Variants in FGF14 observed in about 807,000 individuals in gnomAD.
FGF14 encodes the protein fibroblast growth factor homologous factor 4.
FGF14 carries 5 observed loss-of-function variants against 25.5 expected under a neutral mutation model. The observed-to-expected ratio is 0.20, with a 90% CI of 0.10 to 0.41. FGF14 has a LOEUF of 0.41. Among genes scored for constraint, FGF14 ranks in the 10% least tolerant of loss-of-function variants. The pLI is 1.00. For synonymous variants in FGF14, 138 were observed against 118.3 expected (o/e 1.17, Z -1.08); for missense variants, 222 against 320.1 (o/e 0.69, Z 2.34).
intron 3 of FGF14, among the ~76,000 whole-genome samples, chr13:101,786,532 CTCT>C (rs2039837814): frequency 6.6e-6 from 1 of 152,072 alleles, no homozygotes; most frequent in South Asian, 2.1e-4. Context: ...AAGCCTTCTC[CTCT>C]TCTTCTTGGC....
chr13:102,402,375 T>G (rs1777586848), upstream of FGF14: 1 of 152,352 alleles, frequency 6.6e-6, no homozygotes, highest in Admixed American at 6.5e-5. Flanking sequence ...ACCGTGAGCA[T>G]GAGGAAAATC....
intron 1 of FGF14, among the ~76,000 whole-genome samples, chr13:102,064,426 A>G (rs2042816386): frequency 6.6e-6 from 1 of 152,170 alleles, no homozygotes; most frequent in Non-Finnish European, 1.5e-5. Context: ...ACTAAAAAAC[A>G]TAAGTTGTTT....
At chr13:101,945,192 A>C (rs143107145) in intron 1 of FGF14, among the ~76,000 whole-genome samples, 4 of 151,994 alleles carry the variant, frequency 2.6e-5, no homozygotes, top group African/African-American at 9.6e-5. Flanking sequence ...GTGGCGCATG[A>C]CTGTAATCCC....
At chr13:102,203,724 T>C (rs1396761401) in intron 1 of FGF14, among the ~76,000 whole-genome samples, 1 of 152,252 alleles carries the variant, frequency 6.6e-6, no homozygotes, top group Non-Finnish European at 1.5e-5. Flanking sequence ...TCATGAAGTC[T>C]AATTTTTTAT....
intron 1 of FGF14, among the ~76,000 whole-genome samples, chr13:102,156,037 A>G (rs1383903046): frequency 6.6e-6 from 1 of 152,212 alleles, no homozygotes; most frequent in Non-Finnish European, 1.5e-5. Flanking sequence ...AATCAAAAAG[A>G]GTCCAGGACC....
intron 1 of FGF14, among the ~76,000 whole-genome samples, chr13:102,276,740 T>C (rs551597598): frequency 9.1e-4 from 139 of 152,270 alleles, no homozygotes; most frequent in African/African-American, 3.1e-3. Context: ...CAACATCTTA[T>C]GTAAGCAACC....
intron 3 of FGF14, 74 bp from the exon 4 acceptor site, chr13:101,726,884 A>G (rs1413937849): frequency 8.5e-7 from 1 of 1,178,126 alleles, no homozygotes; most frequent in Non-Finnish European, 1.2e-6. Context: ...CATTCTCTAG[A>G]AAGTTTCCCA....
At chr13:101,910,301 A>T (rs777953723) in intron 1 of FGF14, among the ~76,000 whole-genome samples, 3 of 152,166 alleles carry the variant, frequency 2.0e-5, no homozygotes, top group Non-Finnish European at 4.4e-5. Flanking sequence ...TAATTATCCA[A>T]TTATAGCCAT....
chr13:102,194,435 G>GC (rs34388448), intron 1 of FGF14, among the ~76,000 whole-genome samples: 120,100 of 151,058 alleles, frequency 0.8, 47,705 homozygotes, highest in Middle Eastern at 0.87. Context: ...CCCTCCCACT[G>GC]CCCCCCTGAC....
At chr13:101,823,719 G>A (rs2042270044) in intron 3 of FGF14, among the ~76,000 whole-genome samples, 1 of 150,660 alleles carries the variant, frequency 6.6e-6, no homozygotes, top group South Asian at 2.1e-4. Flanking sequence ...TTACAGGCGT[G>A]AGCCACTGCA....
chr13:102,375,086 T>C (rs980691762), intron 1 of FGF14, among the ~76,000 whole-genome samples: 2 of 152,100 alleles, frequency 1.3e-5, no homozygotes, highest in South Asian at 2.1e-4. Context: ...AGGGAGACTT[T>C]AGAAAAATGA....
chr13:101,898,070 T>C (rs1465047396), intron 1 of FGF14, among the ~76,000 whole-genome samples: 2 of 151,798 alleles, frequency 1.3e-5, no homozygotes, highest in Non-Finnish European at 2.9e-5. Flanking sequence ...AATGTTTGTA[T>C]TTTTAGTAGA....
At chr13:101,952,995 C>A (rs1459121967) in intron 1 of FGF14, among the ~76,000 whole-genome samples, 1 of 152,064 alleles carries the variant, frequency 6.6e-6, no homozygotes, top group Non-Finnish European at 1.5e-5. Context: ...GATTGCACCA[C>A]TGCACTCCAA....
At position 101,986,938 on chromosome 13, in the gene FGF14, GCACACACA is replaced by G. The variant is rs3064731; in HGVS notation, c.209-111650_209-111643del. On this transcript the variant is annotated intron_variant, in intron 1 of 4. Transcript: ENST00000376131. ...TGTATACACACACATGTATGTGCAT[GCACACACA>G]CACACACACACACACACACCAGTCT... 8.1e-5 allele frequency among the ~76,000 whole-genome samples: 12 copies of G among 148,136 alleles called. No homozygotes were observed. In the East Asian group the frequency reaches 1.2e-3, roughly 15 times the overall value.
In FGF14 at chr13:102,125,482, T is replaced by C. The variant is rs185739293; in HGVS notation, c.209-250186A>G. On this transcript the variant is annotated intron_variant, in intron 1 of 4. Coordinates refer to the FGF14 transcript ENST00000376131. The stretch of plus-strand genomic sequence containing the variant: ...ACACAACGCTTCACCTACTGTTGTA[T>C]AAAAACTGGCCCATGAATTAACATA... Among the ~76,000 whole-genome samples, 713 of 152,248 alleles carry C rather than the reference T, an allele frequency of 4.7e-3. 9 individuals carry two copies. Among genetic ancestry groups the C allele is most frequent in the South Asian group, 0.045 (216 of 4,828 alleles).
intron 1 of FGF14, among the ~76,000 whole-genome samples, chr13:102,086,356 C>T (rs1282564545): frequency 2.6e-5 from 4 of 152,004 alleles, no homozygotes; most frequent in African/African-American, 9.7e-5. Flanking sequence ...CGGTGAAACC[C>T]CGTCTCTACT....
chr13:101,961,605 A>G (rs1439104432), intron 1 of FGF14, among the ~76,000 whole-genome samples: 1 of 152,092 alleles, frequency 6.6e-6, no homozygotes, highest in African/African-American at 2.4e-5. Flanking sequence ...TAATACCCAT[A>G]TGTTATGGGA....
At chr13:102,008,968 A>G (rs901049530) in intron 1 of FGF14, among the ~76,000 whole-genome samples, 3 of 152,184 alleles carry the variant, frequency 2.0e-5, no homozygotes, top group African/African-American at 7.2e-5. Flanking sequence ...CAATTTACAG[A>G]AGACTATTAA....
intron 1 of FGF14, among the ~76,000 whole-genome samples, chr13:102,106,698 G>A (rs2044940514): frequency 6.6e-6 from 1 of 152,000 alleles, no homozygotes; most frequent in Non-Finnish European, 1.5e-5. Context: ...TGATCACAAG[G>A]TAGACATTTG....
Sources: allele counts gnomAD v4.1 joint callset (sites outside exome capture counted in the v4.1 genomes callset), GRCh38; gene constraint gnomAD v4.1.1; transcripts MANE v1.5; gene names NCBI Gene and HGNC (gene_info 2026-07-23, HGNC 2026-07-21).